TARBP1: variants seen among roughly 807,000 people sequenced by gnomAD.
TARBP1 encodes the protein tRNA (guanosine(18)-2'-O)-methyltransferase TARBP1.
In TARBP1, 144 loss-of-function variants were observed where a neutral mutation model predicts 178.6. The observed-to-expected ratio is 0.81, with a 90% CI of 0.70 to 0.93. TARBP1 has a LOEUF of 0.93. Ranked by LOEUF, TARBP1 falls within the 40% of genes least tolerant of loss-of-function variation. TARBP1 has a pLI of 0.00. For missense variants in TARBP1, 2,067 were observed against 2,011.7 expected (o/e 1.03, Z -0.53); for synonymous variants, 787 against 781.0 (o/e 1.01, Z -0.13).
At chr1:234,422,354 T>C (rs1241874822) in intron 20 of TARBP1, among the ~76,000 whole-genome samples, 1 of 152,176 alleles carries the variant, frequency 6.6e-6, no homozygotes, top group Non-Finnish European at 1.5e-5. Flanking sequence ...CAGCCACAAC[T>C]GACTTCATTA....
rs766997012 is a variant in TARBP1 at position 234,437,375 on chromosome 1, G to C, written c.2135-3C>G. The C allele has an allele frequency of 2.0e-6, 3 of 1,491,922 alleles. No individual in the cohort carries two copies. The highest frequency in any genetic ancestry group is 2.7e-6 in the Non-Finnish European group (3 of 1,099,278). The allele number at this position is 1,491,922 out of a possible 1,614,324, so 92.4% of individuals were successfully genotyped here. On this transcript the variant is annotated splice_polypyrimidine_tract_variant and splice_region_variant and intron_variant, in intron 12 of 29. Transcript: ENST00000040877. Reference sequence around the variant, plus strand: ...CTGAAGAACAGTAGACACCTCATCTGTATGGGGGCAAAAAGCATGCAACTA... The same window carrying C: ...CTGAAGAACAGTAGACACCTCATCTCTATGGGGGCAAAAAGCATGCAACTA...
chr1:234,449,437 TC>T (rs1666515608), intron 10 of TARBP1, among the ~76,000 whole-genome samples: 1 of 152,146 alleles, frequency 6.6e-6, no homozygotes, highest in African/African-American at 2.4e-5. Flanking sequence ...AGATGAGTGT[TC>T]CCTAAAATGT....
intron 22 of TARBP1, among the ~76,000 whole-genome samples, chr1:234,416,819 GT>G (rs1662476984): frequency 6.6e-6 from 1 of 152,130 alleles, no homozygotes; most frequent in African/African-American, 2.4e-5. Context: ...TTAACACAGG[GT>G]GAAGTTTGAA....
In TARBP1 at chr1:234,467,652, T is replaced by C; in HGVS notation, c.1100-2A>G. 6.4e-7 allele frequency: 1 copy of C among 1,571,094 alleles called. No individual in the cohort carries two copies. Among genetic ancestry groups the C allele is most frequent in the Non-Finnish European group, 8.6e-7 (1 of 1,164,676 alleles). On this transcript the variant is annotated splice_acceptor_variant, in intron 3 of 29. Coordinates refer to ENST00000040877, the MANE Select transcript of TARBP1 (RefSeq NM_005646.4). LOFTEE classifies it high-confidence loss of function. ...AGGATGGGTGAAAGAGCCAACATCC[T>C]GTGGAAACAAACATCAAATGTTGAC...
Position 234,433,465 on chromosome 1 carries a change from A to G in TARBP1, c.2339T>C (p.Ile780Thr), listed in dbSNP as rs749838754. 1.2e-6 allele frequency: 2 copies of G among 1,614,120 alleles called. No individual in the cohort carries two copies. The highest frequency in any genetic ancestry group is 3.3e-5 in the Admixed American group (2 of 59,998). ...AATGGATGCATTTTTCAAAAGAGAAATAACTCTCCAGATAGGGTTACCCCT... is the reference window on the plus strand; with the variant it reads ...AATGGATGCATTTTTCAAAAGAGAAGTAACTCTCCAGATAGGGTTACCCCT... ...WKRGNPIWRVISLLKNASIQH... is the reference protein window; with the variant it reads ...WKRGNPIWRVTSLLKNASIQH... The change falls in exon 14 of 30, where the codon ATT (isoleucine) becomes ACT (threonine). Residue 780 changes from isoleucine to threonine, a missense_variant. Coordinates refer to ENST00000040877, the MANE Select transcript of TARBP1 (RefSeq NM_005646.4).
chr1:234,436,344 G>C (rs11576079), intron 13 of TARBP1, among the ~76,000 whole-genome samples: 26,097 of 152,000 alleles, frequency 0.17, 2,392 homozygotes, highest in Middle Eastern at 0.2. Context: ...TGACTTCTTG[G>C]TTAAATACAT....
chr1:234,437,042 A>G lies in TARBP1; in HGVS notation c.2232+233T>C, dbSNP rs77629267. 9.2e-5 allele frequency among the ~76,000 whole-genome samples: 14 copies of G among 152,306 alleles called. No homozygotes were observed. In the East Asian group the frequency reaches 2.7e-3, roughly 29 times the overall value. On this transcript the variant is annotated intron_variant, in intron 13 of 29. Coordinates refer to ENST00000040877, the MANE Select transcript of TARBP1 (RefSeq NM_005646.4). ...GAAACTCTCCAAATCCTTGGATGTA[A>G]ATGGGGTGAGGCTCAGAAGATCTAT...
chr1:234,437,236 A>C, intron 13 of TARBP1, 39 bp downstream of exon 13: 1 of 1,093,470 alleles, frequency 9.1e-7, no homozygotes, highest in Non-Finnish European at 1.3e-6. Flanking sequence ...GAAAAGAATG[A>C]AAGAAATGAA....
intron 14 of TARBP1, among the ~76,000 whole-genome samples, chr1:234,432,718 T>C (rs1664590742): frequency 6.7e-6 from 1 of 150,066 alleles, no homozygotes; most frequent in African/African-American, 2.5e-5. Context: ...GACACATGCT[T>C]GTGATTTGTA....
At position 234,471,185 on chromosome 1, in the gene TARBP1, T is replaced by C. The variant is rs750446720; in HGVS notation, c.1099+3A>G. Reference sequence around the variant, plus strand: ...TAAAAAATAAAATAAAAGTAATCGTTACCATTTTCCTCTGACACCGCATAT... The same window carrying C: ...TAAAAAATAAAATAAAAGTAATCGTCACCATTTTCCTCTGACACCGCATAT... On this transcript the variant is annotated splice_donor_region_variant and intron_variant, in intron 3 of 29. Transcript: ENST00000040877. The C allele has an allele frequency of 1.0e-5, 16 of 1,587,916 alleles. No individual in the cohort carries two copies. The South Asian group carries it at 1.6e-4, about 16-fold the overall frequency.
At chr1:234,445,158 G>A (rs1435141207) in intron 12 of TARBP1, among the ~76,000 whole-genome samples, 4 of 152,140 alleles carry the variant, frequency 2.6e-5, no homozygotes, top group Non-Finnish European at 2.9e-5. Flanking sequence ...ACAGCCTCTG[G>A]TGTGGGATCC....
chr1:234,477,936 C>A (rs986641443), intron 1 of TARBP1, among the ~76,000 whole-genome samples: 5 of 152,196 alleles, frequency 3.3e-5, no homozygotes, highest in Non-Finnish European at 7.3e-5. Flanking sequence ...TCCAGGGGTG[C>A]TGTATTCCAC....
At chr1:234,446,257 T>C (rs1666167488) in intron 12 of TARBP1, among the ~76,000 whole-genome samples, 1 of 152,144 alleles carries the variant, frequency 6.6e-6, no homozygotes, top group Non-Finnish European at 1.5e-5. Context: ...TTACATACCT[T>C]AGTTTAAGGA....
intron 29 of TARBP1, among the ~76,000 whole-genome samples, chr1:234,392,200 G>A (rs1287690595): frequency 2.6e-5 from 4 of 152,144 alleles, no homozygotes; most frequent in African/African-American, 7.2e-5. Flanking sequence ...CCTGGGTCTC[G>A]TGGAGCATGC....
Position 234,398,448 on chromosome 1 carries a change from G to GA in TARBP1, c.4176dup (p.Gln1393SerfsTer10). Reference sequence around the variant, plus strand: ...AGTTGAGTTTGAGAAAGGTACCACTGAAATCCCGCAGCTAAAGGAACATCA... The same window carrying GA: ...AGTTGAGTTTGAGAAAGGTACCACTGAAAATCCCGCAGCTAAAGGAACATCA... On this transcript the variant is annotated frameshift_variant, in exon 26 of 30. Coordinates refer to ENST00000040877, the MANE Select transcript of TARBP1 (RefSeq NM_005646.4). LOFTEE classifies it high-confidence loss of function. 1 of 1,612,088 alleles carries GA rather than the reference G, an allele frequency of 6.2e-7. No individual in the cohort carries two copies. Among genetic ancestry groups the GA allele is most frequent in the Non-Finnish European group, 8.5e-7 (1 of 1,178,722 alleles).
chr1:234,428,765 C>T (rs949949128), intron 17 of TARBP1, among the ~76,000 whole-genome samples: 65 of 152,154 alleles, frequency 4.3e-4, no homozygotes, highest in African/African-American at 1.5e-3. Flanking sequence ...AGGCTTGTCT[C>T]GAGCTCCTGA....
rs201593153 is a variant in TARBP1 at position 234,457,780 on chromosome 1, A to T, written c.1633-24T>A. ...TCCTGGGCAGGGCAGGAAAGGTTTT[A>T]AAAATTACTCGTATTAAAATGTTTA... On this transcript the variant is annotated intron_variant, in intron 8 of 29. Transcript: ENST00000040877. 3,789 of 1,554,760 alleles carry T rather than the reference A, an allele frequency of 2.4e-3. 12 individuals are homozygous for T. The highest frequency in any genetic ancestry group is 3.1e-3 in the Non-Finnish European group (3,470 of 1,136,182).
chr1:234,436,207 G>T (rs12049627), intron 13 of TARBP1, among the ~76,000 whole-genome samples: 1 of 152,056 alleles, frequency 6.6e-6, no homozygotes, highest in Non-Finnish European at 1.5e-5. Context: ...ATAAGCATAA[G>T]GGAGGGTCAT....
rs1057261066 is a variant in TARBP1, at chr1:234,467,654, T to C, written c.1100-4A>G. ...GATGGGTGAAAGAGCCAACATCCTGTGGAAACAAACATCAAATGTTGACAT... is the reference window on the plus strand; with the variant it reads ...GATGGGTGAAAGAGCCAACATCCTGCGGAAACAAACATCAAATGTTGACAT... On this transcript the variant is annotated splice_polypyrimidine_tract_variant and splice_region_variant and intron_variant, in intron 3 of 29. Transcript: ENST00000040877. 40 of 1,570,212 alleles carry C rather than the reference T, an allele frequency of 2.5e-5. No homozygotes were observed. The highest frequency in any genetic ancestry group is 3.3e-5 in the Non-Finnish European group (39 of 1,164,420).
Sources: allele counts gnomAD v4.1 joint callset (sites outside exome capture counted in the v4.1 genomes callset), GRCh38; gene constraint gnomAD v4.1.1; transcripts MANE v1.5; gene names NCBI Gene and HGNC (gene_info 2026-07-23, HGNC 2026-07-21).